Variants in KCNK10 observed in about 807,000 individuals in gnomAD.
KCNK10 encodes the protein potassium two pore domain channel subfamily K member 10.
A neutral mutation model predicts 47.7 loss-of-function variants in KCNK10; 25 were observed. The ratio of observed to expected loss-of-function variants is 0.52; its 90% CI spans 0.38 to 0.73. The LOEUF is 0.73. Ranked by LOEUF, KCNK10 falls within the 30% of genes least tolerant of loss-of-function variation. The pLI is 0.00. For missense variants in KCNK10, 563 were observed against 714.5 expected, an observed-to-expected ratio of 0.79 and a Z score of 2.42; for synonymous variants, 303 against 285.6, an observed-to-expected ratio of 1.06 and a Z score of -0.61.
At chr14:88,233,732 T>C (rs1045435480) in intron 3 of KCNK10, among the ~76,000 whole-genome samples, 1 of 152,226 alleles carries the variant, frequency 6.6e-6, no homozygotes, top group Non-Finnish European at 1.5e-5. Context: ...ATTATGTGGA[T>C]CAATAAACAT....
chr14:88,211,993 T>C (rs1027873206), intron 4 of KCNK10, among the ~76,000 whole-genome samples: 1 of 151,762 alleles, frequency 6.6e-6, no homozygotes. Flanking sequence ...TGGAAATTGA[T>C]GCTAACTTGA....
At chr14:88,307,425 A>G (rs141748372) in intron 1 of KCNK10, among the ~76,000 whole-genome samples, 2 of 152,034 alleles carry the variant, frequency 1.3e-5, no homozygotes, top group African/African-American at 4.8e-5. Context: ...TAGAGACAGA[A>G]AGTAAATTCA....
At chr14:88,231,319 A>C (rs544608136) in intron 3 of KCNK10, among the ~76,000 whole-genome samples, 1 of 152,172 alleles carries the variant, frequency 6.6e-6, no homozygotes, top group East Asian at 1.9e-4. Context: ...CATCCAATCC[A>C]GTGCTGGGTA....
chr14:88,189,199 C>A (rs1008263697), intron 5 of KCNK10, among the ~76,000 whole-genome samples: 2 of 152,186 alleles, frequency 1.3e-5, no homozygotes, highest in South Asian at 2.1e-4. Flanking sequence ...TGGCTCCTCT[C>A]GACAAGCTCA....
chr14:88,307,254 T>C (rs1251698187), intron 1 of KCNK10, among the ~76,000 whole-genome samples: 1 of 147,010 alleles, frequency 6.8e-6, no homozygotes, highest in Non-Finnish European at 1.5e-5. Context: ...ACTGTCTTCA[T>C]TCTTCATTCA....
chr14:88,291,445 C>T (rs1047094242), intron 1 of KCNK10, among the ~76,000 whole-genome samples: 8 of 152,128 alleles, frequency 5.3e-5, no homozygotes, highest in Non-Finnish European at 1.0e-4. Flanking sequence ...TAAGAGAATT[C>T]GCTGGAGAAA....
intron 1 of KCNK10, among the ~76,000 whole-genome samples, chr14:88,304,046 C>T (rs1595130419): frequency 2.0e-5 from 3 of 152,080 alleles, no homozygotes; most frequent in East Asian, 1.9e-4. Context: ...CTGGAACACA[C>T]GTTTAATAAA....
chr14:88,303,364 T>C (rs1454095354), intron 1 of KCNK10, among the ~76,000 whole-genome samples: 4 of 152,168 alleles, frequency 2.6e-5, no homozygotes, highest in Admixed American at 1.3e-4. Context: ...AGAAAGGTGA[T>C]GCAATGTCCA....
At chr14:88,257,602 C>A (rs1173918963) in intron 2 of KCNK10, among the ~76,000 whole-genome samples, 1 of 152,204 alleles carries the variant, frequency 6.6e-6, no homozygotes, top group Non-Finnish European at 1.5e-5. Flanking sequence ...GACTGCCTGG[C>A]AGTAAACCCT....
chr14:88,290,319 C>T lies in KCNK10; in HGVS notation c.53-26768G>A, dbSNP rs372016207. On this transcript the variant is annotated intron_variant, in intron 1 of 6. Coordinates refer to ENST00000319231, the MANE Select transcript of KCNK10 (RefSeq NM_138317.3). Reference sequence around the variant, plus strand: ...TGGAAAAGGCAAGGGAAGGATTCTCCCTAAAGCCCCCAGAAGGAAACAGCC... The same window carrying T: ...TGGAAAAGGCAAGGGAAGGATTCTCTCTAAAGCCCCCAGAAGGAAACAGCC... Among the ~76,000 whole-genome samples, 7 of 152,228 alleles carry T rather than the reference C, an allele frequency of 4.6e-5. No individual in the cohort carries two copies. The East Asian group carries it at 7.7e-4, about 17-fold the overall frequency.
At chr14:88,256,299 C>G (rs1369663018) in intron 2 of KCNK10, among the ~76,000 whole-genome samples, 1 of 152,174 alleles carries the variant, frequency 6.6e-6, no homozygotes, top group Non-Finnish European at 1.5e-5. Context: ...CCCTTTCACT[C>G]GGTCACACCT....
At chr14:88,195,392 C>T (rs527743363) in intron 4 of KCNK10, among the ~76,000 whole-genome samples, 2 of 152,322 alleles carry the variant, frequency 1.3e-5, no homozygotes, top group African/African-American at 4.8e-5. Context: ...ATATTCAATG[C>T]TTGTTAACAG....
At chr14:88,192,973 A>G (rs972233157) in intron 4 of KCNK10, among the ~76,000 whole-genome samples, 2 of 152,184 alleles carry the variant, frequency 1.3e-5, no homozygotes, top group Admixed American at 1.3e-4. Flanking sequence ...GACTCTAGCC[A>G]AGTATTTGTG....
rs150257557 is a variant in KCNK10 at position 88,241,886 on chromosome 14, T to C, written c.403-1066A>G. Among the ~76,000 whole-genome samples, 13 of 152,342 alleles carry C rather than the reference T, an allele frequency of 8.5e-5. No individual in the cohort carries two copies. The East Asian group carries it at 2.1e-3, about 25-fold the overall frequency. On this transcript the variant is annotated intron_variant, in intron 2 of 6. Coordinates refer to ENST00000319231, the MANE Select transcript of KCNK10 (RefSeq NM_138317.3). The stretch of plus-strand genomic sequence containing the variant: ...AGCAGGAGAAGGTGAAAAAACTCCG[T>C]AGCAGTTCTTCCTGAGCTGGCCCCT...
At chr14:88,256,897 G>A (rs551695509) in intron 2 of KCNK10, among the ~76,000 whole-genome samples, 6 of 152,208 alleles carry the variant, frequency 3.9e-5, no homozygotes, top group Admixed American at 3.9e-4. Flanking sequence ...GGTAGACACC[G>A]TGATCGCAAT....
intron 4 of KCNK10, among the ~76,000 whole-genome samples, chr14:88,201,305 T>A (rs1438149353): frequency 1.3e-5 from 2 of 152,202 alleles, no homozygotes; most frequent in Non-Finnish European, 2.9e-5. Flanking sequence ...CTATCACTTA[T>A]TTATGATTAT....
intron 2 of KCNK10, among the ~76,000 whole-genome samples, chr14:88,262,320 C>T (rs1887133102): frequency 6.6e-6 from 1 of 152,204 alleles, no homozygotes; most frequent in African/African-American, 2.4e-5. Context: ...GGCAGCCTTC[C>T]TCCTTCACGT....
chr14:88,185,440 A>C lies in KCNK10; in HGVS notation c.*95T>G, dbSNP rs918813195. 3 of 1,495,144 alleles carry C rather than the reference A, an allele frequency of 2.0e-6. No homozygotes were observed. Among genetic ancestry groups the C allele is most frequent in the Non-Finnish European group, 2.7e-6 (3 of 1,117,068 alleles). The allele number at this position is 1,495,144 out of a possible 1,614,324, so 92.6% of individuals were successfully genotyped here. The stretch of plus-strand genomic sequence containing the variant: ...CTTCAATGCTATGTAATTTTGGACT[A>C]AAAAGTCTGTTTAAGGCACATGTCT... On this transcript the variant is annotated 3_prime_UTR_variant, in exon 7 of 7. Coordinates refer to ENST00000319231, the MANE Select transcript of KCNK10 (RefSeq NM_138317.3). The surrounding 1 kb of genome is among the most constrained non-coding windows in gnomAD (Gnocchi z 4.3).
chr14:88,276,547 C>T (rs1595118971), intron 1 of KCNK10, among the ~76,000 whole-genome samples: 1 of 152,314 alleles, frequency 6.6e-6, no homozygotes, highest in Non-Finnish European at 1.5e-5. Context: ...CCTCTACTTT[C>T]TCCTGTCATC....
Sources: gnomAD v4.1 joint callset for allele counts (sites outside exome capture counted in the v4.1 genomes callset) on GRCh38, gnomAD v4.1.1 for gene constraint, Gnocchi (gnomAD v3.1) non-coding constraint, MANE v1.5 for transcripts, NCBI Gene and HGNC (gene_info 2026-07-23, HGNC 2026-07-21) for gene names.